The following PPP2R3A variants were observed in gnomAD, a reference collection of about 807,000 sequenced individuals.
PPP2R3A encodes the protein serine/threonine-protein phosphatase 2A regulatory subunit B'' subunit alpha.
In PPP2R3A, 80 loss-of-function variants were observed where a neutral mutation model predicts 106.9. The ratio of observed to expected loss-of-function variants is 0.75; its 90% CI spans 0.62 to 0.90. PPP2R3A has a LOEUF of 0.90. PPP2R3A is among the 40% of genes least tolerant of loss of function. The pLI, the probability that PPP2R3A is intolerant of heterozygous loss-of-function variation, is 0.00. For missense variants in PPP2R3A, 1,386 were observed against 1,350.4 expected (o/e 1.03, Z -0.41); for synonymous variants, 483 against 468.3 (o/e 1.03, Z -0.41).
intron 12 of PPP2R3A, among the ~76,000 whole-genome samples, chr3:136,104,235 C>T (rs10512987): frequency 0.33 from 50,706 of 151,932 alleles, 9,067 homozygotes; most frequent in African/African-American, 0.44. Context: ...TTATCGCTGG[C>T]TTAAAGTCTG....
At chr3:136,036,853 T>G (rs895844904) in intron 3 of PPP2R3A, among the ~76,000 whole-genome samples, 1 of 152,216 alleles carries the variant, frequency 6.6e-6, no homozygotes, top group Non-Finnish European at 1.5e-5. Flanking sequence ...AGCTTTTACT[T>G]GGCTATTGCA....
At chr3:136,049,194 A>C in intron 4 of PPP2R3A, 65 bp from the exon 5 acceptor site, 2 of 1,174,964 alleles carry the variant, frequency 1.7e-6, no homozygotes, top group South Asian at 2.6e-5. Context: ...ATTACTAACT[A>C]TTGATGTTAT....
chr3:135,968,198 G>A (rs760457886), intron 1 of PPP2R3A, among the ~76,000 whole-genome samples: 5 of 152,166 alleles, frequency 3.3e-5, no homozygotes, highest in Non-Finnish European at 5.9e-5. Flanking sequence ...AAATAGATTA[G>A]TAAAAACAAC....
chr3:136,097,126 T>C (rs1417296163), intron 10 of PPP2R3A, among the ~76,000 whole-genome samples: 1 of 152,194 alleles, frequency 6.6e-6, no homozygotes, highest in Non-Finnish European at 1.5e-5. Flanking sequence ...CTGTGTTTTC[T>C]GTTTTCCAAT....
intron 5 of PPP2R3A, among the ~76,000 whole-genome samples, chr3:136,067,953 C>T (rs977212860): frequency 1.1e-4 from 17 of 152,188 alleles, no homozygotes; most frequent in Non-Finnish European, 2.1e-4. Flanking sequence ...ACACAGGTGG[C>T]CAGGCTCATG....
At chr3:136,086,746 C>G (rs9874363) in intron 8 of PPP2R3A, among the ~76,000 whole-genome samples, 1 of 152,128 alleles carries the variant, frequency 6.6e-6, no homozygotes, top group Non-Finnish European at 1.5e-5. Context: ...CACGGCTGTT[C>G]CAATACACAT....
intron 4 of PPP2R3A, among the ~76,000 whole-genome samples, chr3:136,042,827 C>T (rs1447314787): frequency 6.6e-6 from 1 of 152,136 alleles, no homozygotes; most frequent in East Asian, 1.9e-4. Flanking sequence ...AGTGGAAACT[C>T]CTCTTTGAGC....
chr3:136,117,863 T>TTC (rs1559930204), intron 13 of PPP2R3A, among the ~76,000 whole-genome samples: 7 of 152,256 alleles, frequency 4.6e-5, no homozygotes, highest in Non-Finnish European at 1.0e-4. Context: ...GGAATCCTCC[T>TTC]TAACTGATTT....
chr3:136,078,970 A>G (rs1374822362), intron 7 of PPP2R3A, among the ~76,000 whole-genome samples: 1 of 152,216 alleles, frequency 6.6e-6, no homozygotes, highest in African/African-American at 2.4e-5. Context: ...CACTAGTGGG[A>G]GCCTTTTACC....
chr3:136,040,565 G>T (rs1935229537), intron 3 of PPP2R3A, among the ~76,000 whole-genome samples: 1 of 152,156 alleles, frequency 6.6e-6, no homozygotes, highest in Non-Finnish European at 1.5e-5. Context: ...GGTGGGAAGG[G>T]ATGCTGTTTG....
chr3:136,104,764 T>C (rs1236352181), intron 12 of PPP2R3A, among the ~76,000 whole-genome samples: 1 of 152,188 alleles, frequency 6.6e-6, no homozygotes, highest in Non-Finnish European at 1.5e-5. Context: ...GAACTTAACA[T>C]TATTCTTGGC....
At chr3:136,054,509 G>A (rs191672580) in intron 5 of PPP2R3A, among the ~76,000 whole-genome samples, 8 of 152,044 alleles carry the variant, frequency 5.3e-5, no homozygotes, top group Non-Finnish European at 1.0e-4. Flanking sequence ...CGCCCACCTC[G>A]GCCTCCCAAA....
intron 13 of PPP2R3A, among the ~76,000 whole-genome samples, chr3:136,126,374 C>T (rs1262804965): frequency 1.3e-5 from 2 of 152,218 alleles, no homozygotes; most frequent in Non-Finnish European, 2.9e-5. Flanking sequence ...ACTGCTAGCG[C>T]AGCAGTCTGA....
intron 13 of PPP2R3A, among the ~76,000 whole-genome samples, chr3:136,119,372 G>A (rs974989802): frequency 2.1e-4 from 32 of 152,264 alleles, no homozygotes; most frequent in African/African-American, 6.7e-4. Context: ...TGACAAATGG[G>A]ATCTAATTAA....
At chr3:136,119,703 G>GAAAC (rs1489661932) in intron 13 of PPP2R3A, among the ~76,000 whole-genome samples, 8 of 152,300 alleles carry the variant, frequency 5.3e-5, no homozygotes, top group African/African-American at 1.7e-4. Flanking sequence ...AAAAAGTCAG[G>GAAAC]AAACAACAGA....
At chr3:136,066,799 C>A (rs895632178) in intron 5 of PPP2R3A, among the ~76,000 whole-genome samples, 1 of 152,092 alleles carries the variant, frequency 6.6e-6, no homozygotes, top group Non-Finnish European at 1.5e-5. Flanking sequence ...ATCCAGTCAC[C>A]TTCCACCAGG....
intron 1 of PPP2R3A, among the ~76,000 whole-genome samples, chr3:135,982,986 C>G (rs1327322598): frequency 6.6e-6 from 1 of 152,064 alleles, no homozygotes; most frequent in Admixed American, 6.6e-5. Flanking sequence ...ATGCACTCTT[C>G]CAATTGGCAA....
At chr3:135,989,922 T>C (rs758620318) in intron 1 of PPP2R3A, among the ~76,000 whole-genome samples, 1 of 152,208 alleles carries the variant, frequency 6.6e-6, no homozygotes, top group African/African-American at 2.4e-5. Context: ...TGTATATGTA[T>C]ATTTAAAGCC....
intron 2 of PPP2R3A, chr3:136,023,079 A>C (rs763658632): frequency 1.9e-6 from 3 of 1,613,100 alleles, no homozygotes; most frequent in Non-Finnish European, 2.5e-6. Context: ...GATGATGATC[A>C]AGGAAACATC....
Sources: allele counts gnomAD v4.1 joint callset (sites outside exome capture counted in the v4.1 genomes callset), GRCh38; gene constraint gnomAD v4.1.1; transcripts MANE v1.5; gene names NCBI Gene and HGNC (gene_info 2026-07-23, HGNC 2026-07-21).